Variants in CTNND2 observed in about 807,000 individuals in gnomAD.
CTNND2 encodes the protein catenin delta-2.
Under a neutral mutation model 144.4 loss-of-function variants are expected in CTNND2, and 22 were observed. The ratio of observed to expected loss-of-function variants is 0.15; its 90% CI spans 0.11 to 0.22. CTNND2 has a LOEUF of 0.22. Among genes scored for constraint, CTNND2 ranks in the 10% least tolerant of loss-of-function variants. The probability of loss-of-function intolerance (pLI) is 1.00; values close to 1 mark genes in which losing one functional copy is unlikely to be tolerated. For synonymous variants in CTNND2, 751 were observed against 695.6 expected, an observed-to-expected ratio of 1.08 and a Z score of -1.25; for missense variants, 1,353 against 1,618.8, an observed-to-expected ratio of 0.84 and a Z score of 2.82.
At chr5:11,519,678 T>C (rs1391862982) in intron 3 of CTNND2, among the ~76,000 whole-genome samples, 1 of 152,116 alleles carries the variant, frequency 6.6e-6, no homozygotes, top group Non-Finnish European at 1.5e-5. Flanking sequence ...CTCATACCAG[T>C]GTATAAACTT....
chr5:11,844,491 T>TA (rs1794641512), intron 1 of CTNND2, among the ~76,000 whole-genome samples: 1 of 152,132 alleles, frequency 6.6e-6, no homozygotes, highest in Non-Finnish European at 1.5e-5. Context: ...AGATTCCCAT[T>TA]AAAATGAAAG....
chr5:11,538,292 T>TGCAGGACACTCA (rs908934326), intron 3 of CTNND2, among the ~76,000 whole-genome samples: 1 of 152,218 alleles, frequency 6.6e-6, no homozygotes, highest in Non-Finnish European at 1.5e-5. Flanking sequence ...TATGGGTCTT[T>TGCAGGACACTCA]GCAGGACACT....
At chr5:11,404,257 C>T (rs893371307) in intron 5 of CTNND2, among the ~76,000 whole-genome samples, 1 of 152,272 alleles carries the variant, frequency 6.6e-6, no homozygotes, top group South Asian at 2.1e-4. Context: ...TCAGGGGCCA[C>T]GAAGACCCCA....
At chr5:11,099,882 G>A (rs560545524) in intron 14 of CTNND2, among the ~76,000 whole-genome samples, 1 of 152,046 alleles carries the variant, frequency 6.6e-6, no homozygotes, top group Admixed American at 6.5e-5. Context: ...GAACATGAAG[G>A]TATTTAGCTT....
At chr5:11,691,045 A>C (rs1784884988) in intron 2 of CTNND2, among the ~76,000 whole-genome samples, 1 of 152,120 alleles carries the variant, frequency 6.6e-6, no homozygotes, top group African/African-American at 2.4e-5. Context: ...CCCCAAGATA[A>C]GAACAAAAAA....
At chr5:11,293,440 T>C (rs1424868422) in intron 9 of CTNND2, among the ~76,000 whole-genome samples, 1 of 152,162 alleles carries the variant, frequency 6.6e-6, no homozygotes, top group Non-Finnish European at 1.5e-5. Context: ...TTTATCTAAT[T>C]TATCAGATGT....
chr5:11,440,470 T>C lies in CTNND2; in HGVS notation c.288-28401A>G, dbSNP rs61755470. 1.1e-3 allele frequency among the ~76,000 whole-genome samples: 163 copies of C among 152,344 alleles called. 1 individual carries two copies. The highest frequency in any genetic ancestry group is 3.8e-3 in the African/African-American group (156 of 41,580). On this transcript the variant is annotated intron_variant, in intron 3 of 21. Transcript: ENST00000304623. ...ATTTACCTTGAGAATATTGGAATTCTTCTGAAAAACTCCAGGCAAATAAAA... is the reference window on the plus strand; with the variant it reads ...ATTTACCTTGAGAATATTGGAATTCCTCTGAAAAACTCCAGGCAAATAAAA...
intron 1 of CTNND2, among the ~76,000 whole-genome samples, chr5:11,734,282 T>C (rs1787555471): frequency 6.6e-6 from 1 of 152,196 alleles, no homozygotes; most frequent in African/African-American, 2.4e-5. Flanking sequence ...AGGGACTTTA[T>C]GCAAGGTGAT....
At position 11,013,008 on chromosome 5, in the gene CTNND2, C is replaced by T. The variant is rs115028305; in HGVS notation, c.3084+4966G>A. ...TTCATGCTAACCCCAAATATGGCAC[C>T]TTGGCATTTGGGAAAACAACAGAGG... On this transcript the variant is annotated intron_variant, in intron 18 of 21. Coordinates refer to ENST00000304623, the MANE Select transcript of CTNND2 (RefSeq NM_001332.4). 1.3e-3 allele frequency among the ~76,000 whole-genome samples: 198 copies of T among 152,294 alleles called. 1 individual carries two copies. Among genetic ancestry groups the T allele is most frequent in the African/African-American group, 4.6e-3 (191 of 41,564 alleles).
intron 3 of CTNND2, among the ~76,000 whole-genome samples, chr5:11,489,964 A>C (rs1769233547): frequency 6.6e-6 from 1 of 152,172 alleles, no homozygotes; most frequent in South Asian, 2.1e-4. Context: ...ATATTCTAGA[A>C]AGAGCTTTGC....
chr5:11,610,373 T>A (rs544621908), intron 2 of CTNND2, among the ~76,000 whole-genome samples: 1 of 152,346 alleles, frequency 6.6e-6, no homozygotes, highest in African/African-American at 2.4e-5. Context: ...ATAATTTATT[T>A]GTGAGAATAG....
chr5:11,021,980 C>T (rs1229887155), intron 17 of CTNND2, among the ~76,000 whole-genome samples: 3 of 152,000 alleles, frequency 2.0e-5, no homozygotes, highest in Admixed American at 6.6e-5. Flanking sequence ...GCTGATATAC[C>T]GATGCGCTGG....
chr5:11,688,226 T>C (rs1404838511), intron 2 of CTNND2, among the ~76,000 whole-genome samples: 1 of 152,142 alleles, frequency 6.6e-6, no homozygotes, highest in Non-Finnish European at 1.5e-5. Context: ...TTCATGTCTC[T>C]GCCCCCAGAG....
intron 21 of CTNND2, among the ~76,000 whole-genome samples, chr5:10,978,187 C>T (rs1736746910): frequency 6.6e-6 from 1 of 152,208 alleles, no homozygotes; most frequent in South Asian, 2.1e-4. Flanking sequence ...TCTGGGGTAA[C>T]TTTTGGCCCA....
intron 9 of CTNND2, among the ~76,000 whole-genome samples, chr5:11,297,758 A>T (rs1274793601): frequency 2.0e-5 from 3 of 152,162 alleles, no homozygotes; most frequent in Non-Finnish European, 4.4e-5. Context: ...TTTGGACAGG[A>T]GGAGTGGGGT....
intron 16 of CTNND2, among the ~76,000 whole-genome samples, chr5:11,061,654 C>G (rs1746994043): frequency 6.6e-6 from 1 of 152,142 alleles, no homozygotes. Context: ...CCTTGTCACT[C>G]TCTAAACCCT....
chr5:11,642,249 G>T (rs938487149), intron 2 of CTNND2, among the ~76,000 whole-genome samples: 2 of 152,120 alleles, frequency 1.3e-5, no homozygotes, highest in Non-Finnish European at 2.9e-5. Context: ...AACACATAAA[G>T]ATCCCTGTCC....
intron 9 of CTNND2, among the ~76,000 whole-genome samples, chr5:11,322,207 A>G (rs1689017708): frequency 6.6e-6 from 1 of 152,132 alleles, no homozygotes; most frequent in South Asian, 2.1e-4. Context: ...CTTCCTGCCC[A>G]TGCTAACTGC....
chr5:11,447,934 G>T (rs1244851836), intron 3 of CTNND2, among the ~76,000 whole-genome samples: 1 of 152,100 alleles, frequency 6.6e-6, no homozygotes, highest in African/African-American at 2.4e-5. Context: ...CTTAGAGAGG[G>T]TTTGATATGC....
Sources: gnomAD v4.1 joint callset for allele counts (sites outside exome capture counted in the v4.1 genomes callset) on GRCh38, gnomAD v4.1.1 for gene constraint, MANE v1.5 for transcripts, NCBI Gene and HGNC (gene_info 2026-07-23, HGNC 2026-07-21) for gene names.